LSS: variants seen among roughly 807,000 people sequenced by gnomAD.
The protein encoded by LSS is lanosterol synthase, also known as 2,3-epoxysqualene-lanosterol cyclase.
In LSS, 90 loss-of-function variants were observed where a neutral mutation model predicts 110.3. The ratio of observed to expected loss-of-function variants is 0.82; its 90% CI spans 0.69 to 0.97. The LOEUF is 0.97. Among genes scored for constraint, LSS ranks in the 50% least tolerant of loss-of-function variants. The pLI is 0.00. For missense variants in LSS, 927 were observed against 990.0 expected (o/e 0.94, Z 0.85); for synonymous variants, 433 against 400.0 (o/e 1.08, Z -0.98).
Position 46,218,061 on chromosome 21 carries a change from G to A in LSS, c.647+1415C>T, listed in dbSNP as rs868553352. 1.3e-4 allele frequency among the ~76,000 whole-genome samples: 20 copies of A among 152,028 alleles called. No homozygotes were observed. In the South Asian group the frequency reaches 4.2e-3, roughly 32 times the overall value. On this transcript the variant is annotated intron_variant, in intron 6 of 21. Transcript: ENST00000397728. ...GGACACTGCTGCTGTCCTTTCTTGA[G>A]CGGCCCCTTCACTTCCTGCCTCCCC...
intron 3 of LSS, among the ~76,000 whole-genome samples, chr21:46,225,054 C>T (rs1158460228): frequency 6.6e-6 from 1 of 151,960 alleles, no homozygotes; most frequent in East Asian, 1.9e-4. Context: ...GGCAAGAGAC[C>T]GAGGGCACGA....
Position 46,207,559 on chromosome 21 carries a change from T to C in LSS, c.1336A>G (p.Thr446Ala), listed in dbSNP as rs1258299400. Residue 446 changes from threonine to alanine, a missense_variant, in exon 15 of 22, where the codon ACG (threonine) becomes GCG (alanine). Physicochemically the swap from Thr to Ala is moderately conservative, Grantham distance 58. Coordinates refer to ENST00000397728, the MANE Select transcript of LSS (RefSeq NM_002340.6). The part of the protein sequence containing the change: ...QMRKGGFSFS[T>A]LDCGWIVSDC... ...GAAACGATCCAGCCGCAGTCCAGCG[T>C]ACTGAAGGAGAAGCCACCCTGCAGA... The C allele has an allele frequency of 1.2e-6, 2 of 1,608,912 alleles. No individual in the cohort carries two copies.
Position 46,215,747 on chromosome 21 carries a change from C to T in LSS, c.830G>A (p.Arg277Lys). The change falls in exon 8 of 22, where the codon AGG becomes AAG. Residue 277 changes from arginine to lysine, a missense_variant. Transcript: ENST00000397728. ...CAGCTCGTCGGGGGCCACGTTGTTC[C>T]TCTGCGCCAGCCAGTCAATGCTGGC... ...DFASIDWLAQ[R>K]NNVAPDELYT... 1.2e-6 allele frequency: 2 copies of T among 1,612,888 alleles called. No individual in the cohort carries two copies. The highest frequency in any genetic ancestry group is 1.7e-6 in the Non-Finnish European group (2 of 1,179,506).
Position 46,216,559 on chromosome 21 carries a change from A to G in LSS, c.648-35T>C, listed in dbSNP as rs756394447. 4 of 1,546,740 alleles carry G rather than the reference A, an allele frequency of 2.6e-6. No homozygotes were observed. The highest frequency in any genetic ancestry group is 3.5e-6 in the Non-Finnish European group (4 of 1,142,696). On this transcript the variant is annotated intron_variant, in intron 6 of 21. Coordinates refer to ENST00000397728, the MANE Select transcript of LSS (RefSeq NM_002340.6). The surrounding 1 kb of genome is among the most constrained non-coding windows in gnomAD (Gnocchi z 4.2). ...CAGCAGGAGTCAGTGGGAGACCCCA[A>G]GACTCAAGCCTGCCCCCTCCGCCAG...
Position 46,190,949 on chromosome 21 carries a change from TC to T in LSS, c.*154del. ...GTCTAAGCCACCCACCCTGTCCCCA[TC>T]CCTGCCTCCAGCCTGGCCCCCAGAT... On this transcript the variant is annotated 3_prime_UTR_variant, in exon 22 of 22. Transcript: ENST00000397728. This position sits in a 1 kb window ranked among gnomAD's most constrained non-coding sequence, Gnocchi z 4.6. 1.2e-6 allele frequency: 1 copy of T among 810,442 alleles called. No homozygotes were observed. The highest frequency in any genetic ancestry group is 2.9e-5 in the Admixed American group (1 of 34,474). The allele number at this position is 810,442 out of a possible 1,614,324, so 50.2% of individuals were successfully genotyped here. A position where few individuals can be genotyped will look rare whatever the true frequency, so the allele number is the denominator to read the frequency against.
At chr21:46,221,073 A>C (rs2080273159) in intron 5 of LSS, among the ~76,000 whole-genome samples, 1 of 141,452 alleles carries the variant, frequency 7.1e-6, no homozygotes, top group African/African-American at 2.7e-5. Context: ...AGAAGTAGAC[A>C]GTTGGGGCTT....
Position 46,194,738 on chromosome 21 carries a change from G to A in LSS, c.1818-77C>T, listed in dbSNP as rs1033137592. 6.9e-5 allele frequency: 101 copies of A among 1,468,122 alleles called. 2 individuals carry two copies. The East Asian group carries it at 1.2e-3, about 17-fold the overall frequency. The allele number at this position is 1,468,122 out of a possible 1,614,324, so 90.9% of individuals were successfully genotyped here. A position where few individuals can be genotyped will look rare whatever the true frequency, so the allele number is the denominator to read the frequency against. ...CCCTGGCTTCTCACCCCAGCAGGCT[G>A]CCTTGGGGTACGGGGAGGAGCCTGC... On this transcript the variant is annotated intron_variant, in intron 19 of 21. Transcript: ENST00000397728.
At position 46,191,950 on chromosome 21, in the gene LSS, G is replaced by A; in HGVS notation, c.1998C>T (p.Asp666=). 2 of 1,613,216 alleles carry A rather than the reference G, an allele frequency of 1.2e-6. No individual in the cohort carries two copies. The highest frequency in any genetic ancestry group is 1.7e-6 in the Non-Finnish European group (2 of 1,179,546). ...MMGLMAVRHP[D]IEAQERGVRC... is the part of the protein sequence containing the mutation. ...GGACTCCTCTCTCCTGGGCCTCGAT[G>A]TCAGGATGCCTGGTGGAAGAGAAGG... Residue 666 remains aspartate (D), a synonymous_variant, in exon 21 of 22, where the codon GAC becomes GAT. Coordinates refer to ENST00000397728, the MANE Select transcript of LSS (RefSeq NM_002340.6).
intron 20 of LSS, 123 bp from the exon 21 acceptor site, chr21:46,192,082 A>G (rs1402993735): frequency 1.3e-6 from 1 of 769,400 alleles, no homozygotes; most frequent in Non-Finnish European, 2.2e-6. Flanking sequence ...ATGGGTCTAA[A>G]CTGACGCCCA....
chr21:46,189,785 G>A lies in LSS; in HGVS notation c.*1319C>T, dbSNP rs1293041719. On this transcript the variant is annotated 3_prime_UTR_variant, in exon 22 of 22. Coordinates refer to ENST00000397728, the MANE Select transcript of LSS (RefSeq NM_002340.6). Reference sequence around the variant, plus strand: ...GATAAGGAGGTATAGGGTGTGCCCTGGGCAAGGCAGCAGGGGTAACGAAGC... The same window carrying A: ...GATAAGGAGGTATAGGGTGTGCCCTAGGCAAGGCAGCAGGGGTAACGAAGC... The A allele has an allele frequency of 2.2e-6, 1 of 453,282 alleles. No individual in the cohort carries two copies. The highest frequency in any genetic ancestry group is 4.5e-6 in the Non-Finnish European group (1 of 224,466). 28.1% of individuals were successfully genotyped at this position (453,282 alleles called of 1,614,324 possible). A position where few individuals can be genotyped will look rare whatever the true frequency, so the allele number is the denominator to read the frequency against.
chr21:46,194,953 G>A (rs1023574064), intron 19 of LSS, among the ~76,000 whole-genome samples: 16 of 152,228 alleles, frequency 1.1e-4, no homozygotes, highest in Admixed American at 2.0e-4. Flanking sequence ...TGGGAGCAGC[G>A]TCTCACAAGC....
chr21:46,219,464 C>T lies in LSS; in HGVS notation c.647+12G>A, dbSNP rs368577083. 30 of 1,573,628 alleles carry T rather than the reference C, an allele frequency of 1.9e-5. No homozygotes were observed. The highest frequency in any genetic ancestry group is 8.2e-5 in the South Asian group (7 of 85,226). Reference sequence around the variant, plus strand: ...AGCAGCGACCCAACAACCCAATCAACAGCAGACATACCACATCTCTGGGAA... The same window carrying T: ...AGCAGCGACCCAACAACCCAATCAATAGCAGACATACCACATCTCTGGGAA... On this transcript the variant is annotated intron_variant, in intron 6 of 21. Coordinates refer to ENST00000397728, the MANE Select transcript of LSS (RefSeq NM_002340.6).
At chr21:46,211,096 C>T (rs2080124630) in intron 11 of LSS, among the ~76,000 whole-genome samples, 1 of 152,188 alleles carries the variant, frequency 6.6e-6, no homozygotes, top group Admixed American at 6.5e-5. Context: ...GACAGTGGCG[C>T]ACCTCAGTCA....
rs1188575226 is a variant in LSS at position 46,216,370 on chromosome 21, T to C, written c.783+19A>G. The stretch of plus-strand genomic sequence containing the variant: ...CCCAGCCCCAGAGGCCTTCACTTTG[T>C]TCCCTGATGAGGTCCTACCTGGCGG... On this transcript the variant is annotated intron_variant, in intron 7 of 21. Transcript: ENST00000397728. The surrounding 1 kb of genome is among the most constrained non-coding windows in gnomAD (Gnocchi z 4.2). The C allele has an allele frequency of 1.2e-6, 2 of 1,613,418 alleles. No individual in the cohort carries two copies. Among genetic ancestry groups the C allele is most frequent in the South Asian group, 1.1e-5 (1 of 91,078 alleles).
At chr21:46,223,865 G>A (rs2080306700) in intron 3 of LSS, among the ~76,000 whole-genome samples, 1 of 152,194 alleles carries the variant, frequency 6.6e-6, no homozygotes, top group South Asian at 2.1e-4. Flanking sequence ...CGAGCGGACG[G>A]TGGTCTAGCG....
intron 15 of LSS, 109 bp downstream of exon 15, chr21:46,207,319 G>A (rs569000970): frequency 1.2e-4 from 158 of 1,361,648 alleles, no homozygotes; most frequent in Middle Eastern, 2.3e-4. Flanking sequence ...AAGCTCCTAC[G>A]GCCTGGCCGG....
chr21:46,215,665 G>T lies in LSS; in HGVS notation c.892+20C>A. ...ACCCTGACCCTGGGCTGCCCTGCCG[G>T]CCCCTCAGGAGGCGCTCACCATATA... On this transcript the variant is annotated intron_variant, in intron 8 of 21. Transcript: ENST00000397728. 1.3e-6 allele frequency: 2 copies of T among 1,561,504 alleles called. No homozygotes were observed. The highest frequency in any genetic ancestry group is 1.8e-6 in the Non-Finnish European group (2 of 1,140,802).
chr21:46,200,638 C>T (rs956429602), intron 17 of LSS, among the ~76,000 whole-genome samples: 2 of 150,740 alleles, frequency 1.3e-5, no homozygotes, highest in Admixed American at 1.3e-4. Context: ...TCATCAAACA[C>T]AAGGAAAGAT....
At chr21:46,225,941 T>C (rs908527874) in intron 3 of LSS, among the ~76,000 whole-genome samples, 3 of 152,050 alleles carry the variant, frequency 2.0e-5, no homozygotes, top group African/African-American at 7.2e-5. Context: ...TTTTCTTTCA[T>C]CTCTCTGTCT....
Sources: gnomAD v4.1 joint callset for allele counts (sites outside exome capture counted in the v4.1 genomes callset) on GRCh38, gnomAD v4.1.1 for gene constraint, Gnocchi (gnomAD v3.1) non-coding constraint, MANE v1.5 for transcripts, NCBI Gene and HGNC (gene_info 2026-07-23, HGNC 2026-07-21) for gene names.